CSMD1: variants seen among roughly 807,000 people sequenced by gnomAD.
The protein encoded by CSMD1 is CUB and sushi domain-containing protein 1.
In CSMD1, 213 loss-of-function variants were observed where a neutral mutation model predicts 417.5. The ratio of observed to expected loss-of-function variants is 0.51; its 90% CI spans 0.46 to 0.57. The LOEUF is 0.57. Among genes scored for constraint, CSMD1 ranks in the 20% least tolerant of loss-of-function variants. The probability of loss-of-function intolerance (pLI) is 0.00; values close to 1 mark genes in which losing one functional copy is unlikely to be tolerated. For synonymous variants in CSMD1, 2,862 were observed against 1,736.8 expected (o/e 1.65, Z -16.11); for missense variants, 6,923 against 4,529.7 (o/e 1.53, Z -15.17).
Position 4,331,088 on chromosome 8 carries a change from C to CA in CSMD1, c.415+88864dup, listed in dbSNP as rs142125226. Among the ~76,000 whole-genome samples the CA allele has an allele frequency of 6.3e-4, 96 of 152,280 alleles. 1 individual carries two copies. In the East Asian group the frequency reaches 0.018, roughly 28 times the overall value. On this transcript the variant is annotated intron_variant, in intron 3 of 69. Coordinates refer to ENST00000635120, the MANE Select transcript of CSMD1 (RefSeq NM_033225.6). The stretch of plus-strand genomic sequence containing the variant: ...TTTTTGTTTCTTATTCTCCAATATG[C>CA]AACTACATATAATAGCAAAATGAAA...
chr8:4,076,297 A>C (rs772313929), intron 3 of CSMD1, among the ~76,000 whole-genome samples: 1 of 152,154 alleles, frequency 6.6e-6, no homozygotes, highest in Non-Finnish European at 1.5e-5. Context: ...CTCTGCCATG[A>C]TTTTAAGTTT....
At chr8:3,695,869 T>C (rs1389079508) in intron 7 of CSMD1, among the ~76,000 whole-genome samples, 1 of 152,220 alleles carries the variant, frequency 6.6e-6, no homozygotes, top group Non-Finnish European at 1.5e-5. Context: ...ATTATATTTT[T>C]TACAAGGTAT....
intron 12 of CSMD1, among the ~76,000 whole-genome samples, chr8:3,417,272 A>G (rs1047833053): frequency 6.6e-5 from 10 of 152,234 alleles, no homozygotes; most frequent in African/African-American, 2.4e-4. Flanking sequence ...CTGGATTGCA[A>G]TTAATATTCT....
At chr8:4,355,493 A>C (rs1470647820) in intron 3 of CSMD1, among the ~76,000 whole-genome samples, 1 of 152,170 alleles carries the variant, frequency 6.6e-6, no homozygotes, top group East Asian at 1.9e-4. Context: ...AAGTAGAGTG[A>C]ATGAAAGGGA....
At chr8:3,710,301 T>C (rs1326053208) in intron 6 of CSMD1, among the ~76,000 whole-genome samples, 1 of 152,146 alleles carries the variant, frequency 6.6e-6, no homozygotes, top group African/African-American at 2.4e-5. Flanking sequence ...TAAATCTATC[T>C]ATACACACTC....
intron 1 of CSMD1, among the ~76,000 whole-genome samples, chr8:4,905,838 A>G (rs909351047): frequency 4.0e-5 from 6 of 149,420 alleles, no homozygotes; most frequent in Admixed American, 2.7e-4. Flanking sequence ...AAAAAAAGAA[A>G]AAAAGAAAAA....
At chr8:3,271,017 C>T (rs377209482) in intron 26 of CSMD1, among the ~76,000 whole-genome samples, 109 of 151,696 alleles carry the variant, frequency 7.2e-4, no homozygotes, top group Middle Eastern at 3.4e-3. Flanking sequence ...CATGCTGGTG[C>T]GCTGCACCCA....
chr8:4,629,425 T>C (rs1269049295), intron 2 of CSMD1, among the ~76,000 whole-genome samples: 1 of 152,222 alleles, frequency 6.6e-6, no homozygotes, highest in East Asian at 1.9e-4. Flanking sequence ...GTATTGTATT[T>C]GGACTCCTTA....
chr8:4,637,822 C>A (rs1452272726), intron 1 of CSMD1, among the ~76,000 whole-genome samples: 1 of 151,802 alleles, frequency 6.6e-6, no homozygotes, highest in Non-Finnish European at 1.5e-5. Context: ...AGGCGCCCGC[C>A]ACCGCGCCCG....
intron 5 of CSMD1, among the ~76,000 whole-genome samples, chr8:3,814,129 T>C (rs1801239180): frequency 6.6e-6 from 1 of 152,200 alleles, no homozygotes; most frequent in African/African-American, 2.4e-5. Flanking sequence ...TGCAATAACG[T>C]ACCAGCTCAG....
chr8:4,342,377 AT>A (rs1455837995), intron 3 of CSMD1, among the ~76,000 whole-genome samples: 6 of 152,134 alleles, frequency 3.9e-5, no homozygotes, highest in African/African-American at 1.4e-4. Flanking sequence ...GCTATCACAT[AT>A]GTTTATTATA....
At chr8:3,794,281 T>G (rs1799918554) in intron 5 of CSMD1, among the ~76,000 whole-genome samples, 1 of 152,172 alleles carries the variant, frequency 6.6e-6, no homozygotes, top group Non-Finnish European at 1.5e-5. Flanking sequence ...CCCTTAGTAT[T>G]CCTAGGTGTA....
At chr8:4,130,021 A>G (rs1366196920) in intron 3 of CSMD1, among the ~76,000 whole-genome samples, 2 of 152,078 alleles carry the variant, frequency 1.3e-5, no homozygotes, top group Non-Finnish European at 2.9e-5. Flanking sequence ...TCTTGTCAGA[A>G]GATTTTTATG....
Position 4,728,160 on chromosome 8 carries a change from T to TTA in CSMD1, c.86-90604_86-90603dup, listed in dbSNP as rs981697490. ...TACCTATATATCAAATATATATATT[T>TTA]TATATATATATTTATTTGGCATTTA... is the stretch of plus-strand genomic sequence containing the variant. On this transcript the variant is annotated intron_variant, in intron 1 of 69. Coordinates refer to ENST00000635120, the MANE Select transcript of CSMD1 (RefSeq NM_033225.6). Among the ~76,000 whole-genome samples, 20 of 147,318 alleles carry TTA rather than the reference T, an allele frequency of 1.4e-4. No individual in the cohort carries two copies. In the South Asian group the frequency reaches 1.7e-3, roughly 12 times the overall value.
At chr8:4,018,232 T>G (rs1796616507) in intron 4 of CSMD1, among the ~76,000 whole-genome samples, 1 of 152,094 alleles carries the variant, frequency 6.6e-6, no homozygotes. Context: ...TTCAGGATTC[T>G]GACTTTTTAT....
intron 26 of CSMD1, among the ~76,000 whole-genome samples, chr8:3,252,825 T>G (rs979477396): frequency 2.6e-5 from 4 of 152,238 alleles, no homozygotes; most frequent in Admixed American, 6.5e-5. Flanking sequence ...ATCCATTTCT[T>G]CTAGATTTTC....
chr8:4,709,321 C>T (rs1050506600), intron 1 of CSMD1, among the ~76,000 whole-genome samples: 3 of 152,110 alleles, frequency 2.0e-5, no homozygotes, highest in Non-Finnish European at 2.9e-5. Flanking sequence ...GAGGTTGATA[C>T]CTGAGGCCTC....
intron 3 of CSMD1, among the ~76,000 whole-genome samples, chr8:4,172,289 G>A (rs1005366086): frequency 2.0e-5 from 3 of 152,090 alleles, no homozygotes; most frequent in Non-Finnish European, 4.4e-5. Flanking sequence ...CTCTTGCAAT[G>A]CAGTAACCAC....
intron 1 of CSMD1, among the ~76,000 whole-genome samples, chr8:4,661,081 T>C (rs757684207): frequency 6.6e-6 from 1 of 152,114 alleles, no homozygotes; most frequent in African/African-American, 2.4e-5. Context: ...AAACACAACC[T>C]GCAACTATCA....
Sources: gnomAD v4.1 joint callset for allele counts (sites outside exome capture counted in the v4.1 genomes callset) on GRCh38, gnomAD v4.1.1 for gene constraint, MANE v1.5 for transcripts, NCBI Gene and HGNC (gene_info 2026-07-23, HGNC 2026-07-21) for gene names.